DPP6: variants seen among roughly 807,000 people sequenced by gnomAD.
The protein encoded by DPP6 is dipeptidyl peptidase like 6.
In DPP6, 69 loss-of-function variants were observed where a neutral mutation model predicts 122.6. The ratio of observed to expected loss-of-function variants is 0.56; its 90% CI spans 0.46 to 0.69. DPP6 has a LOEUF of 0.69. Ranked by LOEUF, DPP6 falls within the 30% of genes least tolerant of loss-of-function variation. The pLI, the probability that DPP6 is intolerant of heterozygous loss-of-function variation, is 0.00. For synonymous variants in DPP6, 418 were observed against 433.1 expected, an observed-to-expected ratio of 0.97 and a Z score of 0.43; for missense variants, 928 against 1,116.9, an observed-to-expected ratio of 0.83 and a Z score of 2.41.
At chr7:154,501,989 A>G (rs1000894110) in intron 3 of DPP6, among the ~76,000 whole-genome samples, 1 of 152,178 alleles carries the variant, frequency 6.6e-6, no homozygotes, top group East Asian at 1.9e-4. Context: ...TTGCATCAAC[A>G]TGACCGAAAT....
At chr7:154,455,278 C>G (rs1322477245) in intron 2 of DPP6, among the ~76,000 whole-genome samples, 1 of 152,140 alleles carries the variant, frequency 6.6e-6, no homozygotes, top group African/African-American at 2.4e-5. Flanking sequence ...GCATGGCTAC[C>G]TTCACTGGAG....
At chr7:154,839,937 G>A (rs1392721945) in intron 16 of DPP6, among the ~76,000 whole-genome samples, 1 of 152,174 alleles carries the variant, frequency 6.6e-6, no homozygotes, top group African/African-American at 2.4e-5. Flanking sequence ...TCGGGCAGGA[G>A]AGTGGGGGAC....
chr7:154,821,645 T>TATATATATATATATATAC lies in DPP6; in HGVS notation c.1666+14534_1666+14535insTATATATATATATATACA, dbSNP rs1362252192. On this transcript the variant is annotated intron_variant, in intron 16 of 25. Transcript: ENST00000377770. This position sits in a 1 kb window ranked among gnomAD's most constrained non-coding sequence, Gnocchi z 4.2. ...TTTTTTCTGTATATATATATATATA[T>TATATATATATATATATAC]ACACATATATATATATATACACATA... is the stretch of plus-strand genomic sequence containing the variant. Among the ~76,000 whole-genome samples the TATATATATATATATATAC allele has an allele frequency of 8.7e-6, 1 of 115,184 alleles. No individual in the cohort carries two copies. The highest frequency in any genetic ancestry group is 7.9e-5 in the Admixed American group (1 of 12,708). 75.6% of individuals were successfully genotyped at this position (115,184 alleles called of 152,430 possible).
rs779552520 is a variant in DPP6 at position 154,597,988 on chromosome 7, C to T, written c.627+31072C>T. On this transcript the variant is annotated intron_variant, in intron 5 of 25. Transcript: ENST00000377770. Reference sequence around the variant, plus strand: ...TTTAATGACCTCATTTTAACTTGATCACCCCTGCAAAGGCTCCACCTCCCA... The same window carrying T: ...TTTAATGACCTCATTTTAACTTGATTACCCCTGCAAAGGCTCCACCTCCCA... Among the ~76,000 whole-genome samples the T allele has an allele frequency of 2.0e-5, 3 of 152,220 alleles. No individual in the cohort carries two copies. The South Asian group carries it at 6.2e-4, about 32-fold the overall frequency.
At chr7:154,298,672 G>A (rs1003708626) in intron 1 of DPP6, among the ~76,000 whole-genome samples, 1 of 152,148 alleles carries the variant, frequency 6.6e-6, no homozygotes, top group South Asian at 2.1e-4. Context: ...GGTGATGAGT[G>A]CGTTAGGGCC....
intron 1 of DPP6, among the ~76,000 whole-genome samples, chr7:154,172,605 C>CT (rs539600568): frequency 0.057 from 7,817 of 137,294 alleles, 572 homozygotes; most frequent in African/African-American, 0.16. Context: ...CTTTTTTTTT[C>CT]TTTTTTTTTT....
chr7:153,970,516 CT>C (rs375899749), intron 1 of DPP6, among the ~76,000 whole-genome samples: 5 of 152,240 alleles, frequency 3.3e-5, no homozygotes, highest in East Asian at 1.9e-4. Flanking sequence ...AATTTATCAA[CT>C]TTTTTCTTTT....
At chr7:154,016,711 A>G (rs1798436191) in intron 1 of DPP6, among the ~76,000 whole-genome samples, 1 of 152,202 alleles carries the variant, frequency 6.6e-6, no homozygotes, top group Admixed American at 6.5e-5. Flanking sequence ...GTAGTTTTAG[A>G]TTTTGGGGGA....
intron 3 of DPP6, among the ~76,000 whole-genome samples, chr7:154,538,936 CT>C (rs1158835989): frequency 1.3e-5 from 2 of 152,166 alleles, no homozygotes; most frequent in African/African-American, 4.8e-5. Context: ...AGCACTGAAG[CT>C]TTGGATGTAA....
At position 154,562,572 on chromosome 7, in the gene DPP6, C is replaced by A. The variant is rs373041669; in HGVS notation, c.553-4270C>A. 6.4e-4 allele frequency among the ~76,000 whole-genome samples: 97 copies of A among 152,218 alleles called. 2 individuals are homozygous for A. The South Asian group carries it at 0.02, about 31-fold the overall frequency. ...GTTCACTCTCACTACTTCTACTCAG[C>A]ATTATACTAGCAGTTCTCTAGAGTG... On this transcript the variant is annotated intron_variant, in intron 4 of 25. Coordinates refer to ENST00000377770, the MANE Select transcript of DPP6 (RefSeq NM_130797.4).
rs200781472 is a variant in DPP6 at position 154,698,944 on chromosome 7, TG to T, written c.763-28821del. On this transcript the variant is annotated intron_variant, in intron 7 of 25. Coordinates refer to ENST00000377770, the MANE Select transcript of DPP6 (RefSeq NM_130797.4). Reference sequence around the variant, plus strand: ...CGAAGAGCCAGAGGACTCCAAAACCTGGAAGATCTGAGTAACCTACAGACGG... The same window carrying T: ...CGAAGAGCCAGAGGACTCCAAAACCTGAAGATCTGAGTAACCTACAGACGG... Among the ~76,000 whole-genome samples the T allele has an allele frequency of 8.5e-3, 1,299 of 152,266 alleles. 19 individuals carry two copies. The highest frequency in any genetic ancestry group is 0.03 in the African/African-American group (1,240 of 41,542).
chr7:153,801,449 A>G, the DPP6 span, among the ~76,000 whole-genome samples: 2 of 152,198 alleles, frequency 1.3e-5, no homozygotes, highest in Non-Finnish European at 2.9e-5. Context: ...CAGCAGGTGT[A>G]CAGCGGTAGA....
intron 1 of DPP6, among the ~76,000 whole-genome samples, chr7:154,402,455 G>T (rs539510901): frequency 6.6e-6 from 1 of 150,588 alleles, no homozygotes; most frequent in African/African-American, 2.5e-5. Flanking sequence ...GTAGGGACAT[G>T]GATGAATTTG....
At chr7:154,561,272 C>T (rs1235953689) in intron 4 of DPP6, among the ~76,000 whole-genome samples, 1 of 152,198 alleles carries the variant, frequency 6.6e-6, no homozygotes, top group Non-Finnish European at 1.5e-5. Flanking sequence ...ATGTGTGCAT[C>T]ACATCACTCA....
intron 5 of DPP6, among the ~76,000 whole-genome samples, chr7:154,623,195 T>C (rs1008398972): frequency 5.3e-5 from 8 of 152,210 alleles, no homozygotes; most frequent in Non-Finnish European, 1.0e-4. Flanking sequence ...CCTTTGCTTA[T>C]GTGTTGGGTG....
intron 1 of DPP6, among the ~76,000 whole-genome samples, chr7:154,297,326 T>C (rs750321617): frequency 3.3e-5 from 5 of 152,176 alleles, no homozygotes; most frequent in Non-Finnish European, 7.3e-5. Flanking sequence ...CATTAGACAG[T>C]CTATAAGTAA....
At chr7:154,638,514 C>A (rs928732969) in intron 6 of DPP6, among the ~76,000 whole-genome samples, 18 of 152,214 alleles carry the variant, frequency 1.2e-4, no homozygotes, top group African/African-American at 3.4e-4. Context: ...TTGACTGGGC[C>A]CCCCGGCTTC....
At chr7:154,235,889 G>A (rs1801182544) in intron 1 of DPP6, among the ~76,000 whole-genome samples, 1 of 152,098 alleles carries the variant, frequency 6.6e-6, no homozygotes, top group South Asian at 2.1e-4. Context: ...GTCTCACCCT[G>A]TTGCCCAGGC....
At chr7:153,824,785 T>A in the DPP6 span, among the ~76,000 whole-genome samples, 3 of 152,156 alleles carry the variant, frequency 2.0e-5, no homozygotes, top group Non-Finnish European at 4.4e-5. Context: ...TTCATGAAGG[T>A]TTTCTCTTAA....
Sources: gnomAD v4.1 joint callset for allele counts (sites outside exome capture counted in the v4.1 genomes callset) on GRCh38, gnomAD v4.1.1 for gene constraint, Gnocchi (gnomAD v3.1) non-coding constraint, MANE v1.5 for transcripts, NCBI Gene and HGNC (gene_info 2026-07-23, HGNC 2026-07-21) for gene names.